CACNB2: variants seen among roughly 807,000 people sequenced by gnomAD.
CACNB2 encodes the protein voltage-dependent L-type calcium channel subunit beta-2.
A neutral mutation model predicts 73.3 loss-of-function variants in CACNB2; 42 were observed. That is an observed-to-expected ratio of 0.57 (90% CI 0.45 to 0.74). The LOEUF (loss-of-function observed/expected upper bound fraction) is 0.74, where lower values mean the gene tolerates loss of function less well. Ranked by LOEUF, CACNB2 falls within the 30% of genes least tolerant of loss-of-function variation. CACNB2 has a pLI of 0.00. For synonymous variants in CACNB2, 348 were observed against 310.3 expected (o/e 1.12, Z -1.28); for missense variants, 940 against 853.0 (o/e 1.10, Z -1.27).
Position 18,539,701 on chromosome 10 carries a change from A to G in CACNB2, c.1960A>G (p.Arg654Gly). ...ACGGAATGAGGCTGGGGAGTGGAAC[A>G]GGGATGTTTACATCCGCCAATGAGT... Reference protein sequence around the residue: ...KKRNEAGEWNRDVYIRQ With the variant: ...KKRNEAGEWNGDVYIRQ The change falls in exon 14 of 14, where the codon AGG becomes GGG. Residue 654 changes from arginine to glycine, a missense_variant. Coordinates refer to ENST00000324631, the MANE Select transcript of CACNB2 (RefSeq NM_201596.3). 6.2e-7 allele frequency: 1 copy of G among 1,611,036 alleles called. No homozygotes were observed. Among genetic ancestry groups the G allele is most frequent in the Admixed American group, 1.7e-5 (1 of 59,478 alleles).
At chr10:18,480,625 C>CTAAGTCT (rs1384333262) in intron 3 of CACNB2, among the ~76,000 whole-genome samples, 7 of 152,318 alleles carry the variant, frequency 4.6e-5, no homozygotes, top group Admixed American at 4.6e-4. Context: ...GATTACAGAA[C>CTAAGTCT]TAAGTCTACC....
chr10:18,233,174 C>T (rs928314601), intron 2 of CACNB2, among the ~76,000 whole-genome samples: 3 of 152,154 alleles, frequency 2.0e-5, no homozygotes, highest in Non-Finnish European at 2.9e-5. Flanking sequence ...GAGTCTAGGA[C>T]AGGGCGGCAG....
At chr10:18,259,318 C>T (rs1370418504) in intron 2 of CACNB2, among the ~76,000 whole-genome samples, 2 of 151,936 alleles carry the variant, frequency 1.3e-5, no homozygotes, top group Admixed American at 1.3e-4. Flanking sequence ...GTAATCCTAG[C>T]ACTTTGGGAG....
chr10:18,243,734 T>A (rs556165086), intron 2 of CACNB2, among the ~76,000 whole-genome samples: 2 of 152,080 alleles, frequency 1.3e-5, no homozygotes, highest in Non-Finnish European at 2.9e-5. Flanking sequence ...GGCACATGAT[T>A]TCTACACACA....
intron 6 of CACNB2, among the ~76,000 whole-genome samples, chr10:18,509,485 C>CT (rs1022359188): frequency 4.6e-5 from 7 of 152,126 alleles, no homozygotes; most frequent in African/African-American, 1.4e-4. Flanking sequence ...TGACCCAAAC[C>CT]TTTAACACCA....
intron 1 of CACNB2, among the ~76,000 whole-genome samples, chr10:18,141,932 G>GAT (rs777842637): frequency 2.8e-4 from 43 of 152,178 alleles, no homozygotes; most frequent in Non-Finnish European, 5.7e-4. Flanking sequence ...TTTGCGGTAA[G>GAT]ATATATATGT....
intron 2 of CACNB2, among the ~76,000 whole-genome samples, chr10:18,169,512 A>G (rs1037026087): frequency 1.6e-4 from 25 of 152,248 alleles, no homozygotes; most frequent in African/African-American, 5.5e-4. Flanking sequence ...GATAACAGGC[A>G]TAATTGTACG....
Position 18,542,288 on chromosome 10 carries a change from AATTT to A in CACNB2, c.*2570_*2573del, listed in dbSNP as rs1414647861. On this transcript the variant is annotated 3_prime_UTR_variant, in exon 14 of 14. Coordinates refer to ENST00000324631, the MANE Select transcript of CACNB2 (RefSeq NM_201596.3). ...TAATTAGCCCTACACTGTTTACATAAATTTATTTACTGAGTATAAAATCAGTAGT... is the reference window on the plus strand; with the variant it reads ...TAATTAGCCCTACACTGTTTACATAAATTTACTGAGTATAAAATCAGTAGT... 1.3e-5 allele frequency: 2 copies of A among 152,212 alleles called. No individual in the cohort carries two copies. The highest frequency in any genetic ancestry group is 2.9e-5 in the Non-Finnish European group (2 of 68,034). The allele number at this position is 152,212 out of a possible 1,614,324, so 9.4% of individuals were successfully genotyped here.
At chr10:18,315,791 T>G (rs186341647) in intron 2 of CACNB2, among the ~76,000 whole-genome samples, 2 of 152,336 alleles carry the variant, frequency 1.3e-5, no homozygotes, top group East Asian at 3.9e-4. Flanking sequence ...AGTTCTGATG[T>G]GTAGCGCTTT....
chr10:18,222,825 T>C lies in CACNB2; in HGVS notation c.213+71850T>C, dbSNP rs550619648. ...GGTGGTGGACGCCTGTAATCCCAGC[T>C]ACTTGGGAGGCTGAGGCAGGAGAAT... On this transcript the variant is annotated intron_variant, in intron 2 of 13. Coordinates refer to ENST00000324631, the MANE Select transcript of CACNB2 (RefSeq NM_201596.3). Among the ~76,000 whole-genome samples, 3 of 152,172 alleles carry C rather than the reference T, an allele frequency of 2.0e-5. No homozygotes were observed. The South Asian group carries it at 6.2e-4, about 32-fold the overall frequency.
intron 2 of CACNB2, among the ~76,000 whole-genome samples, chr10:18,371,515 A>G: frequency 6.6e-6 from 1 of 152,166 alleles, no homozygotes; most frequent in Non-Finnish European, 1.5e-5. Context: ...AGCTTCATCC[A>G]TGTCCCTACA....
At chr10:18,282,937 A>T (rs2131708760) in intron 2 of CACNB2, among the ~76,000 whole-genome samples, 1 of 152,374 alleles carries the variant, frequency 6.6e-6, no homozygotes, top group East Asian at 1.9e-4. Context: ...AAGGGCTAAT[A>T]TCCAGAATCT....
chr10:18,165,516 G>C (rs551390976), intron 2 of CACNB2, among the ~76,000 whole-genome samples: 1 of 152,308 alleles, frequency 6.6e-6, no homozygotes, highest in African/African-American at 2.4e-5. Context: ...AGGTTCAGGC[G>C]ACTGTTGAGC....
At chr10:18,440,588 T>A (rs951886565) in intron 3 of CACNB2, among the ~76,000 whole-genome samples, 2 of 151,812 alleles carry the variant, frequency 1.3e-5, no homozygotes, top group Admixed American at 6.6e-5. Context: ...TTGCAGTGAG[T>A]TGTGATCATG....
intron 2 of CACNB2, among the ~76,000 whole-genome samples, chr10:18,222,158 C>G (rs923436903): frequency 5.3e-5 from 8 of 152,168 alleles, no homozygotes; most frequent in Non-Finnish European, 1.5e-5. Flanking sequence ...CAATCCGATC[C>G]AACCTCTAGA....
intron 2 of CACNB2, among the ~76,000 whole-genome samples, chr10:18,339,414 A>G (rs1206528614): frequency 6.6e-6 from 1 of 152,092 alleles, no homozygotes; most frequent in Non-Finnish European, 1.5e-5. Context: ...CCAGCTACTC[A>G]GGAGGCTGAG....
intron 3 of CACNB2, among the ~76,000 whole-genome samples, chr10:18,454,573 A>C (rs1210412109): frequency 6.6e-6 from 1 of 152,252 alleles, no homozygotes; most frequent in African/African-American, 2.4e-5. Context: ...TTGGGAATGC[A>C]TATATTAAAG....
At chr10:18,278,883 G>T (rs1312690963) in intron 2 of CACNB2, among the ~76,000 whole-genome samples, 1 of 152,074 alleles carries the variant, frequency 6.6e-6, no homozygotes, top group Non-Finnish European at 1.5e-5. Flanking sequence ...AGGCCTGGTG[G>T]CATGTGCCTA....
At chr10:18,501,090 G>A in intron 5 of CACNB2, 142 bp downstream of exon 5, 1 of 841,990 alleles carries the variant, frequency 1.2e-6, no homozygotes, top group East Asian at 2.7e-5. Context: ...CACAAATCTT[G>A]CATTTTCCTG....
Sources: allele counts gnomAD v4.1 joint callset (sites outside exome capture counted in the v4.1 genomes callset), GRCh38; gene constraint gnomAD v4.1.1; transcripts MANE v1.5; gene names NCBI Gene and HGNC (gene_info 2026-07-23, HGNC 2026-07-21).